Variants in BTRC observed in about 807,000 individuals in gnomAD.
The protein encoded by BTRC is beta-transducin repeat containing E3 ubiquitin protein ligase, also known as F-box/WD repeat-containing protein 1A.
A neutral mutation model predicts 85.5 loss-of-function variants in BTRC; 42 were observed. That is an observed-to-expected ratio of 0.49 (90% CI 0.38 to 0.64). The LOEUF (loss-of-function observed/expected upper bound fraction) is 0.64. Ranked by LOEUF, BTRC falls within the 30% of genes least tolerant of loss-of-function variation. BTRC has a pLI of 0.00. For missense variants in BTRC, 594 were observed against 743.5 expected (o/e 0.80, Z 2.34); for synonymous variants, 255 against 263.3 (o/e 0.97, Z 0.30).
At chr10:101,444,539 T>C (rs1053682389) in intron 2 of BTRC, among the ~76,000 whole-genome samples, 1 of 152,148 alleles carries the variant, frequency 6.6e-6, no homozygotes, top group Non-Finnish European at 1.5e-5. Flanking sequence ...AAAATTCACA[T>C]TGGCCAGGTT....
intron 1 of BTRC, among the ~76,000 whole-genome samples, chr10:101,369,489 G>A (rs774158818): frequency 1.3e-5 from 2 of 152,086 alleles, no homozygotes; most frequent in African/African-American, 4.8e-5. Flanking sequence ...GCATTTTCTT[G>A]TTTACTGAAA....
chr10:101,360,478 A>G (rs539728331), intron 1 of BTRC, among the ~76,000 whole-genome samples: 80 of 150,888 alleles, frequency 5.3e-4, no homozygotes, highest in African/African-American at 1.7e-3. Context: ...GGTTCAGGCA[A>G]TTCTCCTGTC....
chr10:101,506,741 A>G (rs893018077), intron 4 of BTRC, among the ~76,000 whole-genome samples: 2 of 152,208 alleles, frequency 1.3e-5, no homozygotes, highest in African/African-American at 4.8e-5. Flanking sequence ...TGGCAAGGCT[A>G]GATGAAGTGC....
intron 1 of BTRC, among the ~76,000 whole-genome samples, chr10:101,369,760 T>A (rs1279155214): frequency 6.6e-6 from 1 of 152,220 alleles, no homozygotes; most frequent in African/African-American, 2.4e-5. Context: ...CACACTGATA[T>A]CCCCAATTCC....
intron 2 of BTRC, among the ~76,000 whole-genome samples, chr10:101,438,987 G>C (rs1399943741): frequency 6.6e-6 from 1 of 152,152 alleles, no homozygotes; most frequent in African/African-American, 2.4e-5. Flanking sequence ...GTGAATAGAA[G>C]CCAGAGCATG....
At chr10:101,454,106 TAAAAA>T (rs1346240598) in intron 2 of BTRC, among the ~76,000 whole-genome samples, 1 of 145,934 alleles carries the variant, frequency 6.9e-6, no homozygotes, top group Non-Finnish European at 1.5e-5. Context: ...CCTCTGCTAT[TAAAAA>T]CAAAACAAAA....
At chr10:101,372,390 G>A (rs950525831) in intron 1 of BTRC, among the ~76,000 whole-genome samples, 5 of 150,498 alleles carry the variant, frequency 3.3e-5, no homozygotes, top group Non-Finnish European at 7.4e-5. Context: ...GAGTAGCTGG[G>A]ATTACAGGCA....
chr10:101,478,172 G>T (rs1945739210), intron 3 of BTRC, among the ~76,000 whole-genome samples: 1 of 151,756 alleles, frequency 6.6e-6, no homozygotes, highest in Non-Finnish European at 1.5e-5. Context: ...ATGGTGGCAG[G>T]CGCCTGTAAG....
At chr10:101,360,587 T>C (rs1448028164) in intron 1 of BTRC, among the ~76,000 whole-genome samples, 1 of 151,982 alleles carries the variant, frequency 6.6e-6, no homozygotes, top group Non-Finnish European at 1.5e-5. Context: ...GCCAGGCTAT[T>C]CTTGAACTCC....
intron 1 of BTRC, among the ~76,000 whole-genome samples, chr10:101,411,714 G>GTTTTTT (rs34665777): frequency 1.3e-5 from 2 of 150,880 alleles, no homozygotes. Flanking sequence ...TTCATTGTCA[G>GTTTTTT]TTTTTTTCTG....
At chr10:101,358,924 GCCA>G (rs1403831463) in intron 1 of BTRC, among the ~76,000 whole-genome samples, 1 of 152,138 alleles carries the variant, frequency 6.6e-6, no homozygotes, top group Non-Finnish European at 1.5e-5. Flanking sequence ...ATTGCTGGGG[GCCA>G]CCTTTTGAGA....
Position 101,554,292 on chromosome 10 carries a change from G to A in BTRC, c.*1169G>A, listed in dbSNP as rs1034005714. ...GAGCCAATCGCTTGGTGCATTCTGC[G>A]TAATGGTTTCCATCTCCGATTTCCT... On this transcript the variant is annotated 3_prime_UTR_variant, in exon 15 of 15. Transcript: ENST00000370187. 2.0e-5 allele frequency: 3 copies of A among 152,218 alleles called. No individual in the cohort carries two copies. The highest frequency in any genetic ancestry group is 4.4e-5 in the Non-Finnish European group (3 of 68,042). The allele number at this position is 152,218 out of a possible 1,614,324, so 9.4% of individuals were successfully genotyped here.
intron 1 of BTRC, among the ~76,000 whole-genome samples, chr10:101,375,817 C>T (rs139561760): frequency 2.0e-5 from 3 of 152,252 alleles, no homozygotes; most frequent in East Asian, 3.9e-4. Flanking sequence ...TTACTTGGTA[C>T]GCCTAAAAAA....
chr10:101,524,057 A>G (rs1437641395), intron 5 of BTRC, among the ~76,000 whole-genome samples: 1 of 152,150 alleles, frequency 6.6e-6, no homozygotes, highest in Non-Finnish European at 1.5e-5. Context: ...CCAACTATTA[A>G]TACTACTTTG....
intron 4 of BTRC, among the ~76,000 whole-genome samples, chr10:101,499,171 C>T (rs1169280768): frequency 1.3e-5 from 2 of 152,070 alleles, no homozygotes; most frequent in Non-Finnish European, 2.9e-5. Flanking sequence ...AGGCAACTAA[C>T]TTGTTCAGGT....
At position 101,537,695 on chromosome 10, in the gene BTRC, G is replaced by A. The variant is rs2062407965; in HGVS notation, c.1578-598G>A. On this transcript the variant is annotated intron_variant, in intron 12 of 14. Coordinates refer to ENST00000370187, the MANE Select transcript of BTRC (RefSeq NM_033637.4). The stretch of plus-strand genomic sequence containing the variant: ...CATTAGCCAATGCAAGCAGCAGGAA[G>A]TGTAGACTGCTCACTTCTTCTGCTT... Among the ~76,000 whole-genome samples the A allele has an allele frequency of 2.0e-5, 3 of 152,228 alleles. No homozygotes were observed. In the South Asian group the frequency reaches 6.2e-4, roughly 32 times the overall value.
At chr10:101,472,300 TTC>T (rs1050537308) in intron 3 of BTRC, among the ~76,000 whole-genome samples, 2 of 150,462 alleles carry the variant, frequency 1.3e-5, no homozygotes, top group African/African-American at 4.9e-5. Flanking sequence ...TTCTCTTCTC[TTC>T]TCTTCTCTTC....
At chr10:101,515,672 C>T (rs991232213) in intron 4 of BTRC, among the ~76,000 whole-genome samples, 10 of 151,990 alleles carry the variant, frequency 6.6e-5, no homozygotes, top group African/African-American at 2.2e-4. Context: ...CCACCACGCC[C>T]GGCTAATTTT....
rs1943906653 is a variant in BTRC, at chr10:101,415,459, C to CTA, written c.49-14885_49-14884insAT. ...CCAAAGCCACCACACCCAGCCACCACTTTTATTTTATTTTATTTTATTTTA... is the reference window on the plus strand; with the variant it reads ...CCAAAGCCACCACACCCAGCCACCACTATTTTATTTTATTTTATTTTATTTTA... On this transcript the variant is annotated intron_variant, in intron 1 of 14. Transcript: ENST00000370187. Among the ~76,000 whole-genome samples, 7 of 105,818 alleles carry CTA rather than the reference C, an allele frequency of 6.6e-5. No homozygotes were observed. The South Asian group carries it at 2.7e-3, about 41-fold the overall frequency. The allele number at this position is 105,818 out of a possible 152,430, so 69.4% of individuals were successfully genotyped here.
Sources: allele counts gnomAD v4.1 joint callset (sites outside exome capture counted in the v4.1 genomes callset), GRCh38; gene constraint gnomAD v4.1.1; transcripts MANE v1.5; gene names NCBI Gene and HGNC (gene_info 2026-07-23, HGNC 2026-07-21).